The following ADCY2 variants were observed in gnomAD, a reference collection of about 807,000 sequenced individuals.
ADCY2 encodes the protein adenylate cyclase 2, also known as adenylate cyclase type 2.
A neutral mutation model predicts 125.2 loss-of-function variants in ADCY2; 31 were observed. The ratio of observed to expected loss-of-function variants is 0.25; its 90% CI spans 0.19 to 0.33. The LOEUF (loss-of-function observed/expected upper bound fraction) is 0.33, where lower values mean the gene tolerates loss of function less well. Among genes scored for constraint, ADCY2 ranks in the 10% least tolerant of loss-of-function variants. The pLI, the probability that ADCY2 is intolerant of heterozygous loss-of-function variation, is 1.00. For synonymous variants in ADCY2, 512 were observed against 548.4 expected, an observed-to-expected ratio of 0.93 and a Z score of 0.93; for missense variants, 904 against 1,418.2, an observed-to-expected ratio of 0.64 and a Z score of 5.82.
At position 7,673,269 on chromosome 5, in the gene ADCY2, A is replaced by AAATATATATAT. The variant is rs1554030659; in HGVS notation, c.721-17421_721-17420insATATATATATA. ...AAAAAAAAAAAAAAAAAAAAAAAAA[A>AAATATATATAT]ATATATATATATATATAAAATTAGC... On this transcript the variant is annotated intron_variant, in intron 4 of 24. Transcript: ENST00000338316. Among the ~76,000 whole-genome samples, 3 of 3,930 alleles carry AAATATATATAT rather than the reference A, an allele frequency of 7.6e-4. 1 individual carries two copies. Among genetic ancestry groups the AAATATATATAT allele is most frequent in the Non-Finnish European group, 1.7e-3 (3 of 1,806 alleles). 2.6% of individuals were successfully genotyped at this position (3,930 alleles called of 152,430 possible).
At chr5:7,696,035 T>C (rs1296521258) in intron 6 of ADCY2, among the ~76,000 whole-genome samples, 172 bp downstream of exon 6, 1 of 152,196 alleles carries the variant, frequency 6.6e-6, no homozygotes, top group Admixed American at 6.5e-5. Flanking sequence ...CAAACCTGTC[T>C]CAGGGATGAA....
chr5:7,450,296 C>G lies in ADCY2; in HGVS notation c.408+35526C>G, dbSNP rs556490994. ...ATTAAAAATGCTACTCTAGTGAACA[C>G]GCAAATGGCAAGAAAGCAAGTCTTA... On this transcript the variant is annotated intron_variant, in intron 2 of 24. Coordinates refer to ENST00000338316, the MANE Select transcript of ADCY2 (RefSeq NM_020546.3). 2.0e-5 allele frequency among the ~76,000 whole-genome samples: 3 copies of G among 152,134 alleles called. No homozygotes were observed. In the South Asian group the frequency reaches 6.2e-4, roughly 31 times the overall value.
chr5:7,488,621 C>T (rs1229504897), intron 2 of ADCY2, among the ~76,000 whole-genome samples: 1 of 152,130 alleles, frequency 6.6e-6, no homozygotes, highest in African/African-American at 2.4e-5. Flanking sequence ...TTTGTCTGCT[C>T]ATTTTTTAGG....
intron 4 of ADCY2, among the ~76,000 whole-genome samples, chr5:7,663,049 T>C (rs1739586657): frequency 6.6e-6 from 1 of 152,246 alleles, no homozygotes; most frequent in Admixed American, 6.5e-5. Flanking sequence ...TTGGATTAAG[T>C]AGATATTAGA....
At chr5:7,816,252 A>G (rs1745107519) in intron 22 of ADCY2, among the ~76,000 whole-genome samples, 1 of 152,230 alleles carries the variant, frequency 6.6e-6, no homozygotes, top group South Asian at 2.1e-4. Context: ...CCAGAACTAG[A>G]GAGAGCTGCA....
At chr5:7,813,621 T>A (rs1745009820) in intron 22 of ADCY2, among the ~76,000 whole-genome samples, 1 of 152,250 alleles carries the variant, frequency 6.6e-6, no homozygotes, top group Admixed American at 6.5e-5. Flanking sequence ...TATGAAGACT[T>A]GTTGAAATGA....
At chr5:7,661,319 A>T (rs1293173567) in intron 4 of ADCY2, among the ~76,000 whole-genome samples, 1 of 152,224 alleles carries the variant, frequency 6.6e-6, no homozygotes, top group African/African-American at 2.4e-5. Flanking sequence ...GCTCAAAAAT[A>T]CTTTAAACCT....
At chr5:7,824,282 C>A (rs985156702) in intron 24 of ADCY2, among the ~76,000 whole-genome samples, 2 of 152,202 alleles carry the variant, frequency 1.3e-5, no homozygotes, top group Non-Finnish European at 2.9e-5. Flanking sequence ...CCTGCGGCTT[C>A]TCCTAGGCCT....
chr5:7,489,845 T>A (rs1743092948), intron 2 of ADCY2, among the ~76,000 whole-genome samples: 1 of 152,168 alleles, frequency 6.6e-6, no homozygotes, highest in South Asian at 2.1e-4. Context: ...GGAGGTTCAC[T>A]CTTGGAGACC....
chr5:7,819,470 G>A (rs1350520370), intron 23 of ADCY2, among the ~76,000 whole-genome samples: 1 of 152,178 alleles, frequency 6.6e-6, no homozygotes, highest in South Asian at 2.1e-4. Flanking sequence ...ATATTGTTCA[G>A]ATTCACGCGA....
At chr5:7,619,868 A>G (rs1202346756) in intron 3 of ADCY2, among the ~76,000 whole-genome samples, 1 of 152,142 alleles carries the variant, frequency 6.6e-6, no homozygotes, top group Non-Finnish European at 1.5e-5. Flanking sequence ...TCTTCTCCCC[A>G]TCGATTTCAA....
chr5:7,500,787 A>G (rs1743531769), intron 2 of ADCY2, among the ~76,000 whole-genome samples: 1 of 147,636 alleles, frequency 6.8e-6, no homozygotes, highest in Admixed American at 6.7e-5. Context: ...CTGTGGCCCT[A>G]GAAAGTGAAT....
At chr5:7,789,368 T>C (rs1003677849) in intron 19 of ADCY2, among the ~76,000 whole-genome samples, 2 of 152,184 alleles carry the variant, frequency 1.3e-5, no homozygotes, top group African/African-American at 4.8e-5. Flanking sequence ...GTAGCATAAC[T>C]TTGCAGGAAG....
intron 3 of ADCY2, among the ~76,000 whole-genome samples, chr5:7,569,970 A>G (rs1341234097): frequency 6.7e-6 from 1 of 148,966 alleles, no homozygotes; most frequent in Non-Finnish European, 1.5e-5. Context: ...ACCATTAATA[A>G]TCTTGAAAGT....
At chr5:7,783,071 C>T (rs1377326425) in intron 18 of ADCY2, among the ~76,000 whole-genome samples, 2 of 152,170 alleles carry the variant, frequency 1.3e-5, no homozygotes, top group Non-Finnish European at 2.9e-5. Flanking sequence ...CTCTGTGGCT[C>T]TAAGCCCATA....
At position 7,827,805 on chromosome 5, in the gene ADCY2, A is replaced by T. The variant is rs1263555782; in HGVS notation, c.*934A>T. 2 of 152,370 alleles carry T rather than the reference A, an allele frequency of 1.3e-5. No individual in the cohort carries two copies. Among genetic ancestry groups the T allele is most frequent in the African/African-American group, 4.8e-5 (2 of 41,456 alleles). The allele number at this position is 152,370 out of a possible 1,614,324, so 9.4% of individuals were successfully genotyped here. On this transcript the variant is annotated 3_prime_UTR_variant, in exon 25 of 25. Coordinates refer to ENST00000338316, the MANE Select transcript of ADCY2 (RefSeq NM_020546.3). ...CTCTAGAGAACGCTTTCAGGGAAAA[A>T]TACTTTAATAGTAAAAAGATTCTCT... is the stretch of plus-strand genomic sequence containing the variant.
At chr5:7,632,612 A>G (rs1239104299) in intron 4 of ADCY2, among the ~76,000 whole-genome samples, 1 of 152,198 alleles carries the variant, frequency 6.6e-6, no homozygotes, top group East Asian at 1.9e-4. Flanking sequence ...CTGAGATGTT[A>G]TAAAAGGTTC....
chr5:7,557,191 T>TGATATATAGATATATATATATATATA (rs1336924866), intron 3 of ADCY2, among the ~76,000 whole-genome samples: 2 of 81,040 alleles, frequency 2.5e-5, no homozygotes, highest in Non-Finnish European at 7.5e-5. Flanking sequence ...ATTATATATG[T>TGATATATAGATATATATATATATATA]GATATATATA....
rs1039559173 is a variant in ADCY2 at position 7,669,253 on chromosome 5, A to G, written c.721-21438A>G. On this transcript the variant is annotated intron_variant, in intron 4 of 24. Coordinates refer to ENST00000338316, the MANE Select transcript of ADCY2 (RefSeq NM_020546.3). ...ATATCTCTTCCCCTCTAAACTAATA[A>G]ATACTTACCTGGGTCGAAGGGTGGT... 2.0e-5 allele frequency among the ~76,000 whole-genome samples: 3 copies of G among 152,194 alleles called. No homozygotes were observed. The South Asian group carries it at 6.2e-4, about 32-fold the overall frequency.
Sources: allele counts gnomAD v4.1 joint callset (sites outside exome capture counted in the v4.1 genomes callset), GRCh38; gene constraint gnomAD v4.1.1; transcripts MANE v1.5; gene names NCBI Gene and HGNC (gene_info 2026-07-23, HGNC 2026-07-21).